ADAMTS20: variants seen among roughly 807,000 people sequenced by gnomAD.
The protein encoded by ADAMTS20 is A disintegrin and metalloproteinase with thrombospondin motifs 20.
In ADAMTS20, 225 loss-of-function variants were observed where a neutral mutation model predicts 260.1. The ratio of observed to expected loss-of-function variants is 0.87; its 90% confidence interval spans 0.78 to 0.97. The LOEUF is 0.97. Ranked by LOEUF, ADAMTS20 falls within the 50% of genes least tolerant of loss-of-function variation. The pLI is 0.00. For missense variants in ADAMTS20, 2,400 were observed against 2,337.7 expected, an observed-to-expected ratio of 1.03 and a Z score of -0.55; for synonymous variants, 802 against 769.5, an observed-to-expected ratio of 1.04 and a Z score of -0.70.
chr12:43,521,730 T>C (rs1943074775), intron 3 of ADAMTS20, among the ~76,000 whole-genome samples: 2 of 152,186 alleles, frequency 1.3e-5, no homozygotes, highest in South Asian at 4.1e-4. Flanking sequence ...CCAATGCCTA[T>C]GGGGTAAGCA....
Position 43,439,612 on chromosome 12 carries a change from G to A in ADAMTS20, c.2593+10C>T, listed in dbSNP as rs1941620242. The A allele has an allele frequency of 1.3e-6, 2 of 1,594,728 alleles. No individual in the cohort carries two copies. Among genetic ancestry groups the A allele is most frequent in the Non-Finnish European group, 1.7e-6 (2 of 1,174,124 alleles). On this transcript the variant is annotated intron_variant, in intron 18 of 38. Coordinates refer to ENST00000389420, the MANE Select transcript of ADAMTS20 (RefSeq NM_025003.5). Reference sequence around the variant, plus strand: ...GTCAGTCTTTTCTCCCTTATTGAATGCCAGCGTACCTTGACACATTTTGGT... The same window carrying A: ...GTCAGTCTTTTCTCCCTTATTGAATACCAGCGTACCTTGACACATTTTGGT...
intron 3 of ADAMTS20, among the ~76,000 whole-genome samples, chr12:43,509,555 T>C (rs1433964758): frequency 6.6e-6 from 1 of 152,124 alleles, no homozygotes; most frequent in Non-Finnish European, 1.5e-5. Context: ...CAACATAGTT[T>C]TTAAAATATA....
intron 2 of ADAMTS20, among the ~76,000 whole-genome samples, chr12:43,540,355 G>A (rs763174567): frequency 6.6e-6 from 1 of 152,122 alleles, no homozygotes. Context: ...TTTAAAAAAT[G>A]TTGTCTTTAT....
intron 4 of ADAMTS20, among the ~76,000 whole-genome samples, chr12:43,501,481 G>GCGCGCGCGCGCGCACACACACACACA (rs373746834): frequency 8.5e-6 from 1 of 117,810 alleles, no homozygotes; most frequent in African/African-American, 3.2e-5. Context: ...GCGCGCGCGC[G>GCGCGCGCGCGCGCACACACACACACA]CACACACACA....
At chr12:43,422,246 T>C (rs1381882756) in intron 28 of ADAMTS20, among the ~76,000 whole-genome samples, 1 of 152,094 alleles carries the variant, frequency 6.6e-6, no homozygotes, top group Non-Finnish European at 1.5e-5. Context: ...ACATTTCATT[T>C]GCTTTAAAAT....
At chr12:43,358,399 A>T (rs2137180593) in intron 37 of ADAMTS20, among the ~76,000 whole-genome samples, 1 of 152,300 alleles carries the variant, frequency 6.6e-6, no homozygotes, top group Middle Eastern at 3.4e-3. Flanking sequence ...CAATTATCTA[A>T]AATTTGGTAT....
Position 43,356,521 on chromosome 12 carries a change from T to C in ADAMTS20, c.5606A>G (p.Gln1869Arg). 6.2e-7 allele frequency: 1 copy of C among 1,611,286 alleles called. No individual in the cohort carries two copies. The highest frequency in any genetic ancestry group is 8.5e-7 in the Non-Finnish European group (1 of 1,178,640). Residue 1869 changes from glutamine (Q) to arginine (R), a missense_variant, in exon 38 of 39, where the codon CAG (glutamine) becomes CGG (arginine). Coordinates refer to ENST00000389420, the MANE Select transcript of ADAMTS20 (RefSeq NM_025003.5). ...KISSTAKWLTQGSYTSVSIRR... is the reference protein window; with the variant it reads ...KISSTAKWLTRGSYTSVSIRR... ...TATGCTGACAGAGGTATAACTCCCC[T>C]GAGTGAGCCACTTTGCTGTGCTGGA...
At chr12:43,547,765 C>A (rs1220110775) in intron 2 of ADAMTS20, among the ~76,000 whole-genome samples, 1 of 152,062 alleles carries the variant, frequency 6.6e-6, no homozygotes, top group Admixed American at 6.6e-5. Flanking sequence ...GATATTATAG[C>A]CAGAATTCAG....
chr12:43,528,463 G>A (rs1379617529), intron 3 of ADAMTS20, among the ~76,000 whole-genome samples: 3 of 150,128 alleles, frequency 2.0e-5, no homozygotes, highest in Non-Finnish European at 4.4e-5. Flanking sequence ...ATAAAAGTAG[G>A]CACATAGACC....
At chr12:43,353,158 A>C (rs559658564), downstream of ADAMTS20, among the ~76,000 whole-genome samples, 1 of 152,144 alleles carries the variant, frequency 6.6e-6, no homozygotes, top group South Asian at 2.1e-4. Context: ...ATACATGGTT[A>C]AATTATCTGC....
chr12:43,477,233 AG>A (rs1311932856), intron 7 of ADAMTS20, among the ~76,000 whole-genome samples: 33 of 152,184 alleles, frequency 2.2e-4, no homozygotes, highest in Non-Finnish European at 3.7e-4. Flanking sequence ...CAATTTCTAT[AG>A]GAATAGTCCA....
At chr12:43,361,880 T>C (rs1031635272) in intron 37 of ADAMTS20, among the ~76,000 whole-genome samples, 41 of 152,236 alleles carry the variant, frequency 2.7e-4, no homozygotes, top group Non-Finnish European at 5.1e-4. Flanking sequence ...AGTTATATGA[T>C]TTACTTGTAT....
chr12:43,390,030 C>T (rs1940565116), intron 29 of ADAMTS20, among the ~76,000 whole-genome samples: 1 of 152,208 alleles, frequency 6.6e-6, no homozygotes, highest in Admixed American at 6.5e-5. Context: ...ATAGCCATTG[C>T]TGTACTTGGG....
At chr12:43,397,548 G>C (rs1940729239) in intron 29 of ADAMTS20, among the ~76,000 whole-genome samples, 1 of 152,132 alleles carries the variant, frequency 6.6e-6, no homozygotes, top group Non-Finnish European at 1.5e-5. Context: ...AGAACCTGTT[G>C]AGTGACTAAC....
At chr12:43,432,204 G>T (rs1330994264) in intron 21 of ADAMTS20, 100 bp downstream of exon 21, 2 of 1,265,256 alleles carry the variant, frequency 1.6e-6, no homozygotes, top group South Asian at 1.6e-5. Context: ...ACAAAATGAT[G>T]AAATAAATTT....
chr12:43,452,391 A>T lies in ADAMTS20; in HGVS notation c.1962T>A (p.Cys654Ter), dbSNP rs1941881246. The T allele has an allele frequency of 6.2e-7, 1 of 1,612,264 alleles. No homozygotes were observed. Among genetic ancestry groups the T allele is most frequent in the South Asian group, 1.1e-5 (1 of 90,598 alleles). Residue 654 changes from cysteine to a stop codon, truncating the protein, a stop_gained, in exon 14 of 39, where the codon TGT becomes TGA. Transcript: ENST00000389420. LOFTEE classifies it high-confidence loss of function. ...RYSGIGTKDR[C>*]KLYCQVAGTN... ...TTCCAGCAACCTGACAATAGAGTTT[A>T]CAACGATCCTTTGTGCCAACTGTAA...
intron 3 of ADAMTS20, among the ~76,000 whole-genome samples, chr12:43,522,654 T>C (rs1445291718): frequency 6.6e-6 from 1 of 152,236 alleles, no homozygotes; most frequent in African/African-American, 2.4e-5. Flanking sequence ...TTCCTGTGAA[T>C]CTTTTTAGGG....
intron 29 of ADAMTS20, among the ~76,000 whole-genome samples, chr12:43,384,484 G>A (rs1350610374): frequency 6.6e-6 from 1 of 151,924 alleles, no homozygotes; most frequent in Admixed American, 6.6e-5. Context: ...TTTAAGTTCT[G>A]GGATACATGT....
chr12:43,395,516 G>T (rs558263199), intron 29 of ADAMTS20, among the ~76,000 whole-genome samples: 7 of 151,938 alleles, frequency 4.6e-5, no homozygotes, highest in Admixed American at 1.3e-4. Flanking sequence ...TGGGTGGGGA[G>T]CACTGGGCAG....
Sources: allele counts gnomAD v4.1 joint callset (sites outside exome capture counted in the v4.1 genomes callset), GRCh38; gene constraint gnomAD v4.1.1; transcripts MANE v1.5; gene names NCBI Gene and HGNC (gene_info 2026-07-23, HGNC 2026-07-21).